The following AGBL4 variants were observed in gnomAD, a reference collection of about 807,000 sequenced individuals.
The protein encoded by AGBL4 is AGBL carboxypeptidase 4, also known as cytosolic carboxypeptidase 6.
In AGBL4, 58 loss-of-function variants were observed where a neutral mutation model predicts 66.4. The ratio of observed to expected loss-of-function variants is 0.87; its 90% CI spans 0.71 to 1.09. AGBL4 has a LOEUF of 1.09. Ranked by LOEUF, AGBL4 falls within the 50% of genes least tolerant of loss-of-function variation. The pLI is 0.00. For missense variants in AGBL4, 579 were observed against 631.0 expected (o/e 0.92, Z 0.88); for synonymous variants, 234 against 222.9 (o/e 1.05, Z -0.44).
intron 2 of AGBL4, among the ~76,000 whole-genome samples, chr1:49,742,118 T>C (rs1650550632): frequency 6.6e-6 from 1 of 152,194 alleles, no homozygotes; most frequent in African/African-American, 2.4e-5. Context: ...ATTATCCCTG[T>C]TTGCAGATGA....
At chr1:49,058,522 T>C (rs1218941972) in intron 4 of AGBL4, among the ~76,000 whole-genome samples, 1 of 152,218 alleles carries the variant, frequency 6.6e-6, no homozygotes, top group Non-Finnish European at 1.5e-5. Context: ...AAACCTCTTT[T>C]ATAAATTACC....
intron 3 of AGBL4, among the ~76,000 whole-genome samples, chr1:49,451,073 TAGC>T (rs1646268435): frequency 6.6e-6 from 1 of 152,060 alleles, no homozygotes; most frequent in South Asian, 2.1e-4. Context: ...TTCTTGTTAT[TAGC>T]AGAATTTAGT....
intron 3 of AGBL4, among the ~76,000 whole-genome samples, chr1:49,689,649 C>G (rs1447436532): frequency 1.3e-5 from 2 of 152,086 alleles, no homozygotes; most frequent in African/African-American, 4.8e-5. Context: ...AATCTACGGA[C>G]TGCTTTGGGT....
intron 1 of AGBL4, among the ~76,000 whole-genome samples, chr1:49,896,087 T>G (rs1649175598): frequency 6.6e-6 from 1 of 151,994 alleles, no homozygotes; most frequent in South Asian, 2.1e-4. Context: ...GTAGGTGTAC[T>G]TACATCAGAC....
At chr1:49,627,637 A>AT (rs941942592) in intron 3 of AGBL4, among the ~76,000 whole-genome samples, 1 of 151,988 alleles carries the variant, frequency 6.6e-6, no homozygotes, top group African/African-American at 2.4e-5. Context: ...CTTTTCTCTC[A>AT]TTTTTTTGTT....
chr1:49,148,713 GC>G (rs1317650960), intron 4 of AGBL4, among the ~76,000 whole-genome samples: 5 of 152,206 alleles, frequency 3.3e-5, no homozygotes, highest in African/African-American at 1.2e-4. Context: ...ACCAGGACTA[GC>G]AGTGACAATT....
chr1:49,947,987 T>TAAA (rs1655436597), intron 1 of AGBL4, among the ~76,000 whole-genome samples: 2 of 100,668 alleles, frequency 2.0e-5, no homozygotes, highest in African/African-American at 4.5e-5. Context: ...TAAATATATA[T>TAAA]TTATATATAT....
At chr1:49,782,502 G>A (rs896501925) in intron 2 of AGBL4, among the ~76,000 whole-genome samples, 20 of 152,110 alleles carry the variant, frequency 1.3e-4, no homozygotes, top group Non-Finnish European at 2.9e-4. Context: ...GTTAAAATCC[G>A]AATCCTCCAT....
intron 3 of AGBL4, among the ~76,000 whole-genome samples, chr1:49,632,735 G>A (rs1645594691): frequency 6.6e-6 from 1 of 152,100 alleles, no homozygotes; most frequent in African/African-American, 2.4e-5. Context: ...GTCATAGTAA[G>A]AAAAAACACT....
chr1:48,550,730 CA>C (rs1256018000), intron 11 of AGBL4, among the ~76,000 whole-genome samples: 1 of 152,088 alleles, frequency 6.6e-6, no homozygotes, highest in Non-Finnish European at 1.5e-5. Context: ...TGCTGGGTAT[CA>C]GGGGTGGAGT....
At chr1:49,798,681 G>T (rs1460859400) in intron 2 of AGBL4, among the ~76,000 whole-genome samples, 6 of 152,032 alleles carry the variant, frequency 3.9e-5, no homozygotes, top group African/African-American at 1.4e-4. Context: ...ATGTGGTTTG[G>T]ATTGATAATT....
At chr1:48,659,280 C>G (rs959674401) in intron 7 of AGBL4, among the ~76,000 whole-genome samples, 2 of 152,114 alleles carry the variant, frequency 1.3e-5, no homozygotes, top group African/African-American at 4.8e-5. Flanking sequence ...TTTTGCAGGT[C>G]AGGAAATAGG....
At chr1:48,593,787 T>C (rs1644953990) in intron 9 of AGBL4, among the ~76,000 whole-genome samples, 1 of 152,058 alleles carries the variant, frequency 6.6e-6, no homozygotes, top group Admixed American at 6.6e-5. Context: ...AAATAATAAA[T>C]TCCTAGAAGT....
intron 1 of AGBL4, among the ~76,000 whole-genome samples, chr1:49,974,508 A>C (rs1658401087): frequency 6.6e-6 from 1 of 152,186 alleles, no homozygotes; most frequent in African/African-American, 2.4e-5. Context: ...TCAGCTGGTA[A>C]GTGACAAGAG....
chr1:49,462,404 C>A (rs1055365308), intron 3 of AGBL4, among the ~76,000 whole-genome samples: 2 of 151,704 alleles, frequency 1.3e-5, no homozygotes, highest in Non-Finnish European at 2.9e-5. Flanking sequence ...AGGAACCACA[C>A]TGACCACATT....
intron 3 of AGBL4, among the ~76,000 whole-genome samples, chr1:49,544,691 C>T (rs1413065831): frequency 1.3e-5 from 2 of 152,218 alleles, no homozygotes; most frequent in African/African-American, 4.8e-5. Flanking sequence ...ACATCTGATC[C>T]CCATTTTACA....
At chr1:49,258,288 G>A (rs1003062315) in intron 3 of AGBL4, among the ~76,000 whole-genome samples, 58 of 152,266 alleles carry the variant, frequency 3.8e-4, no homozygotes, top group African/African-American at 1.1e-3. Flanking sequence ...CACCAGCAAC[G>A]GAACAAAGCT....
At chr1:49,260,182 C>T (rs1461684315) in intron 3 of AGBL4, among the ~76,000 whole-genome samples, 5 of 151,856 alleles carry the variant, frequency 3.3e-5, no homozygotes, top group Non-Finnish European at 2.9e-5. Context: ...ATTTATAGCA[C>T]TGAATGCCCA....
chr1:48,793,504 A>G (rs931134624), intron 6 of AGBL4, among the ~76,000 whole-genome samples: 3 of 152,174 alleles, frequency 2.0e-5, no homozygotes, highest in Non-Finnish European at 4.4e-5. Flanking sequence ...CTCAGACTCA[A>G]GACTTTGGCA....
Sources: gnomAD v4.1 joint callset for allele counts (sites outside exome capture counted in the v4.1 genomes callset) on GRCh38, gnomAD v4.1.1 for gene constraint, MANE v1.5 for transcripts, NCBI Gene and HGNC (gene_info 2026-07-23, HGNC 2026-07-21) for gene names.